DTNA: variants seen among roughly 807,000 people sequenced by gnomAD.
DTNA encodes dystrobrevin alpha.
A neutral mutation model predicts 100.7 loss-of-function variants in DTNA; 43 were observed. The observed-to-expected ratio is 0.43, with a 90% confidence interval of 0.33 to 0.55. The LOEUF is 0.55. Among genes scored for constraint, DTNA ranks in the 20% least tolerant of loss-of-function variants. The pLI, the probability that DTNA is intolerant of heterozygous loss-of-function variation, is 0.04. For missense variants in DTNA, 798 were observed against 953.9 expected (o/e 0.84, Z 2.15); for synonymous variants, 349 against 347.9 (o/e 1.00, Z -0.04).
intron 1 of DTNA, among the ~76,000 whole-genome samples, chr18:34,620,295 A>T (rs1461246298): frequency 6.6e-6 from 1 of 152,254 alleles, no homozygotes; most frequent in Non-Finnish European, 1.5e-5. Context: ...GGGAACCCAA[A>T]TTGAAGAACG....
intron 1 of DTNA, among the ~76,000 whole-genome samples, chr18:34,581,170 C>A (rs949470312): frequency 1.3e-5 from 2 of 152,116 alleles, no homozygotes; most frequent in Non-Finnish European, 2.9e-5. Context: ...ATGGCGTGAA[C>A]CCGGGAGGTG....
At chr18:34,533,057 TCA>T (rs2145553544) in intron 1 of DTNA, among the ~76,000 whole-genome samples, 1 of 152,058 alleles carries the variant, frequency 6.6e-6, no homozygotes, top group African/African-American at 2.4e-5. Flanking sequence ...AAAAGTAGAC[TCA>T]CTATTTCATT....
intron 1 of DTNA, among the ~76,000 whole-genome samples, chr18:34,587,287 C>T (rs1216650259): frequency 1.3e-5 from 2 of 152,016 alleles, no homozygotes; most frequent in Non-Finnish European, 2.9e-5. Context: ...CACTTAAAGA[C>T]AAAACATCCC....
intron 17 of DTNA, chr18:34,866,100 T>C (rs1315968113): frequency 3.1e-6 from 5 of 1,614,088 alleles, no homozygotes; most frequent in Non-Finnish European, 4.2e-6. Flanking sequence ...ATTGATTCAA[T>C]CTTTCTGTAG....
chr18:34,515,441 A>G (rs1294694832), intron 1 of DTNA, among the ~76,000 whole-genome samples: 1 of 152,138 alleles, frequency 6.6e-6, no homozygotes, highest in Non-Finnish European at 1.5e-5. Context: ...TTTCGAAAAT[A>G]CTTGCACACA....
intron 1 of DTNA, among the ~76,000 whole-genome samples, chr18:34,723,508 C>T (rs936414905): frequency 2.0e-5 from 3 of 151,928 alleles, no homozygotes; most frequent in African/African-American, 7.3e-5. Flanking sequence ...TATGTGAGAC[C>T]ATATGTCAAT....
At chr18:34,872,292 G>A (rs1019434361) in intron 17 of DTNA, among the ~76,000 whole-genome samples, 1 of 152,180 alleles carries the variant, frequency 6.6e-6, no homozygotes, top group Non-Finnish European at 1.5e-5. Flanking sequence ...GGAAGGGCCA[G>A]ACATATGAGT....
chr18:34,868,061 T>C (rs777424077), intron 17 of DTNA: 1 of 959,630 alleles, frequency 1.0e-6, no homozygotes. Context: ...TTCATAAAAT[T>C]GAAATAGAAA....
At chr18:34,538,890 A>G (rs2043978346) in intron 1 of DTNA, among the ~76,000 whole-genome samples, 1 of 151,956 alleles carries the variant, frequency 6.6e-6, no homozygotes, top group Non-Finnish European at 1.5e-5. Flanking sequence ...ACACAGGAAA[A>G]TTTTGTCCAA....
chr18:34,528,783 A>T (rs923556295), intron 1 of DTNA, among the ~76,000 whole-genome samples: 7 of 152,110 alleles, frequency 4.6e-5, no homozygotes, highest in African/African-American at 1.7e-4. Context: ...TTCCTAGAAA[A>T]TAGATAATTT....
rs2095639816 is a variant in DTNA at position 34,818,364 on chromosome 18, A to ATG, written c.876+39_876+40dup. 3 of 1,609,598 alleles carry ATG rather than the reference A, an allele frequency of 1.9e-6. No individual in the cohort carries two copies. In the East Asian group the frequency reaches 6.7e-5, roughly 36 times the overall value. On this transcript the variant is annotated intron_variant, in intron 8 of 22. Transcript: ENST00000444659. ...AGGTCCAGGCAATACTTGGAGTTGG[A>ATG]TGTGTGAGTGTTGCCCAGAGTTAAA...
chr18:34,701,059 T>G (rs1230394340), intron 1 of DTNA, among the ~76,000 whole-genome samples: 1 of 152,222 alleles, frequency 6.6e-6, no homozygotes, highest in Non-Finnish European at 1.5e-5. Context: ...TCCGTCTCTC[T>G]GCCTGTAGTG....
chr18:34,727,117 A>G (rs538290562), intron 1 of DTNA, among the ~76,000 whole-genome samples: 2 of 152,130 alleles, frequency 1.3e-5, no homozygotes, highest in Non-Finnish European at 2.9e-5. Context: ...CCTTTAAGCA[A>G]AGGCTGGAGC....
At chr18:34,686,128 A>C (rs1296241158) in intron 1 of DTNA, among the ~76,000 whole-genome samples, 3 of 152,190 alleles carry the variant, frequency 2.0e-5, no homozygotes, top group African/African-American at 7.2e-5. Flanking sequence ...AATACCCTTC[A>C]TTTCTTTCTC....
chr18:34,642,127 T>C (rs1266068274), intron 1 of DTNA, among the ~76,000 whole-genome samples: 1 of 152,228 alleles, frequency 6.6e-6, no homozygotes, highest in Admixed American at 6.5e-5. Flanking sequence ...TAATGAGGAC[T>C]CACCACATTC....
upstream of DTNA, among the ~76,000 whole-genome samples, chr18:34,706,977 A>T (rs984323131): frequency 6.6e-6 from 1 of 152,230 alleles, no homozygotes; most frequent in South Asian, 2.1e-4. Flanking sequence ...TGCCCTAACA[A>T]TAAAGCACTT....
rs1372073656 is a variant in DTNA, at chr18:34,554,753, G to A, written c.-2+61239G>A. On this transcript the variant is annotated intron_variant, in intron 1 of 19. Coordinates refer to the DTNA transcript ENST00000283365. ...CTTGATCATGGTGGATAAGCTTTTT[G>A]ATGTGCTGCTGGATTTGTTTTGCCA... Among the ~76,000 whole-genome samples the A allele has an allele frequency of 4.8e-3, 673 of 139,396 alleles. 22 individuals carry two copies. The highest frequency in any genetic ancestry group is 0.018 in the African/African-American group (644 of 35,098). The allele number at this position is 139,396 out of a possible 152,430, so 91.4% of individuals were successfully genotyped here. A position where few individuals can be genotyped will look rare whatever the true frequency, so the allele number is the denominator to read the frequency against.
chr18:34,603,573 A>G (rs1475117050), intron 1 of DTNA, among the ~76,000 whole-genome samples: 1 of 152,132 alleles, frequency 6.6e-6, no homozygotes, highest in Non-Finnish European at 1.5e-5. Context: ...ACCAACAGAA[A>G]TCAAACTTTA....
chr18:34,838,648 A>C, intron 12 of DTNA, 97 bp from the exon 13 acceptor site: 1 of 1,024,966 alleles, frequency 9.8e-7, no homozygotes, highest in African/African-American at 1.6e-5. Context: ...TTGGTTTTCT[A>C]AATGCCTTTT....
Sources: allele counts gnomAD v4.1 joint callset (sites outside exome capture counted in the v4.1 genomes callset), GRCh38; gene constraint gnomAD v4.1.1; transcripts MANE v1.5; gene names NCBI Gene and HGNC (gene_info 2026-07-23, HGNC 2026-07-21).